Variants in GLS observed in about 807,000 individuals in gnomAD.
The protein encoded by GLS is glutaminase kidney isoform, mitochondrial.
In GLS, 36 loss-of-function variants were observed where a neutral mutation model predicts 86.7. The observed-to-expected ratio is 0.42, with a 90% CI of 0.32 to 0.55. The LOEUF (loss-of-function observed/expected upper bound fraction) is 0.55, where lower values mean the gene tolerates loss of function less well. Among genes scored for constraint, GLS ranks in the 20% least tolerant of loss-of-function variants. The pLI is 0.17. For synonymous variants in GLS, 317 were observed against 305.9 expected (o/e 1.04, Z -0.38); for missense variants, 528 against 833.4 (o/e 0.63, Z 4.51).
rs1323754188 is a variant in GLS at position 190,963,771 on chromosome 2, C to T, written c.*785C>T. ...TTTTCCATAGTAAGTCAGAAAATGC[C>T]TCCTATTTCTGGCATCAGAACTTTG... On this transcript the variant is annotated 3_prime_UTR_variant, in exon 18 of 18. Coordinates refer to ENST00000320717, the MANE Select transcript of GLS (RefSeq NM_014905.5). The T allele has an allele frequency of 6.6e-6, 1 of 152,400 alleles. No homozygotes were observed. The highest frequency in any genetic ancestry group is 2.4e-5 in the African/African-American group (1 of 41,404). The allele number at this position is 152,400 out of a possible 1,614,324, so 9.4% of individuals were successfully genotyped here. A position where few individuals can be genotyped will look rare whatever the true frequency, so the allele number is the denominator to read the frequency against.
In GLS at chr2:190,930,252, C is replaced by T. The variant is rs72907256; in HGVS notation, c.1426-185C>T. Among the ~76,000 whole-genome samples, 2,090 of 152,000 alleles carry T rather than the reference C, an allele frequency of 0.014. 30 individuals carry two copies. The highest frequency in any genetic ancestry group is 0.029 in the Admixed American group (442 of 15,254). On this transcript the variant is annotated intron_variant, in intron 12 of 17. Coordinates refer to ENST00000320717, the MANE Select transcript of GLS (RefSeq NM_014905.5). The surrounding 1 kb of genome is among the most constrained non-coding windows in gnomAD (Gnocchi z 5.0). Reference sequence around the variant, plus strand: ...TCACTGTTTTTTGTAGAGACGAGATCTCCCTGTGTTACCCAGCCTAGCCTC... The same window carrying T: ...TCACTGTTTTTTGTAGAGACGAGATTTCCCTGTGTTACCCAGCCTAGCCTC...
chr2:190,924,466 G>C lies in GLS; in HGVS notation c.1198-77G>C. On this transcript the variant is annotated intron_variant, in intron 10 of 17. Transcript: ENST00000320717. The surrounding 1 kb of genome is among the most constrained non-coding windows in gnomAD (Gnocchi z 5.2). ...TAAAATGAAACACTTGTGTACATTT[G>C]AAATTTTTCATATATTTCTCTACTT... 2.6e-6 allele frequency: 2 copies of C among 779,730 alleles called. No individual in the cohort carries two copies. The highest frequency in any genetic ancestry group is 4.6e-6 in the Non-Finnish European group (2 of 432,254). The allele number at this position is 779,730 out of a possible 1,614,324, so 48.3% of individuals were successfully genotyped here. A position where few individuals can be genotyped will look rare whatever the true frequency, so the allele number is the denominator to read the frequency against.
rs1160452521 is a variant in GLS at position 190,951,481 on chromosome 2, T to G, written c.1651-2084T>G. On this transcript the variant is annotated intron_variant, in intron 14 of 17. Coordinates refer to ENST00000320717, the MANE Select transcript of GLS (RefSeq NM_014905.5). This position sits in a 1 kb window ranked among gnomAD's most constrained non-coding sequence, Gnocchi z 4.2. ...ATGAAAGAGGAAAAGTTAAAGATGC[T>G]AGAAACAAAGGGGATCAGTGAGGGA... Among the ~76,000 whole-genome samples, 1 of 152,056 alleles carries G rather than the reference T, an allele frequency of 6.6e-6. No individual in the cohort carries two copies. The highest frequency in any genetic ancestry group is 1.9e-4 in the East Asian group (1 of 5,188).
Position 190,938,056 on chromosome 2 carries a change from AT to A in GLS, c.1650+6426del, listed in dbSNP as rs561616281. Reference sequence around the variant, plus strand: ...CTAAATCTCATTTACTAATTATGGAATTTTTTTAAAGAAAAATTATATACCA... The same window carrying A: ...CTAAATCTCATTTACTAATTATGGAATTTTTTAAAGAAAAATTATATACCA... On this transcript the variant is annotated intron_variant, in intron 14 of 17. Coordinates refer to ENST00000320717, the MANE Select transcript of GLS (RefSeq NM_014905.5). This position sits in a 1 kb window ranked among gnomAD's most constrained non-coding sequence, Gnocchi z 4.1. Among the ~76,000 whole-genome samples, 1 of 151,254 alleles carries A rather than the reference AT, an allele frequency of 6.6e-6. No homozygotes were observed. Among genetic ancestry groups the A allele is most frequent in the Admixed American group, 6.6e-5 (1 of 15,180 alleles).
chr2:190,929,843 T>C (rs1405281360), intron 12 of GLS, among the ~76,000 whole-genome samples: 2 of 151,348 alleles, frequency 1.3e-5, no homozygotes, highest in Non-Finnish European at 2.9e-5. Context: ...CTATGGTATG[T>C]ATATATATAT....
rs1690241320 is a variant in GLS at position 190,935,321 on chromosome 2, GT to G, written c.1650+3689del. On this transcript the variant is annotated intron_variant, in intron 14 of 17. Transcript: ENST00000320717. This position sits in a 1 kb window ranked among gnomAD's most constrained non-coding sequence, Gnocchi z 4.2. ...TGTTTTTTTTGTTTTGTTTTGTTTT[GT>G]TTTTATAAAAGCAACTTCAACATTT... 2.7e-6 allele frequency: 1 copy of G among 374,656 alleles called. No homozygotes were observed. The highest frequency in any genetic ancestry group is 3.7e-6 in the Non-Finnish European group (1 of 273,098). The allele number at this position is 374,656 out of a possible 1,614,324, so 23.2% of individuals were successfully genotyped here.
Position 190,901,408 on chromosome 2 carries a change from G to C in GLS, c.736-539G>C, listed in dbSNP as rs1037455216. Among the ~76,000 whole-genome samples, 4 of 152,082 alleles carry C rather than the reference G, an allele frequency of 2.6e-5. No homozygotes were observed. The East Asian group carries it at 5.8e-4, about 22-fold the overall frequency. On this transcript the variant is annotated intron_variant, in intron 4 of 17. Transcript: ENST00000320717. ...TTCATTGTCATCATCTTCATGTTTA[G>C]ACTGAAGAAGAAGAGGAGGGATTGG...
In GLS at chr2:190,897,545, G is replaced by A. The variant is rs1326846120; in HGVS notation, c.605+1820G>A. Among the ~76,000 whole-genome samples, 1 of 152,170 alleles carries A rather than the reference G, an allele frequency of 6.6e-6. No individual in the cohort carries two copies. Among genetic ancestry groups the A allele is most frequent in the Admixed American group, 6.5e-5 (1 of 15,272 alleles). The stretch of plus-strand genomic sequence containing the variant: ...GTCTATATGAGCAACCAGTAGAAAA[G>A]TACAAGTCTCTAGGGCATAATTATT... On this transcript the variant is annotated intron_variant, in intron 3 of 17. Coordinates refer to ENST00000320717, the MANE Select transcript of GLS (RefSeq NM_014905.5). This position sits in a 1 kb window ranked among gnomAD's most constrained non-coding sequence, Gnocchi z 4.3.
rs763382849 is a variant in GLS at position 190,921,266 on chromosome 2, C to T, written c.1130+63C>T. 4.7e-6 allele frequency: 5 copies of T among 1,053,846 alleles called. No homozygotes were observed. The highest frequency in any genetic ancestry group is 7.4e-6 in the Non-Finnish European group (5 of 674,124). 65.3% of individuals were successfully genotyped at this position (1,053,846 alleles called of 1,614,324 possible). On this transcript the variant is annotated intron_variant, in intron 9 of 17. Transcript: ENST00000320717. This position sits in a 1 kb window ranked among gnomAD's most constrained non-coding sequence, Gnocchi z 4.2. ...CACAACTGTATTTAGAATTGATCCA[C>T]TCTCTTTTCATTGGAGGGAAATGAA...
In GLS at chr2:190,913,194, A is replaced by G. The variant is rs1363574167; in HGVS notation, c.1038+2873A>G. On this transcript the variant is annotated intron_variant, in intron 7 of 17. Transcript: ENST00000320717. The surrounding 1 kb of genome is among the most constrained non-coding windows in gnomAD (Gnocchi z 6.1). ...AGTATTGATATTTTTTCCTTGTAGG[A>G]TTGGTGGTGATCCTCAGGAAATGGG... 1 of 1,296,252 alleles carries G rather than the reference A, an allele frequency of 7.7e-7. No homozygotes were observed. Among genetic ancestry groups the G allele is most frequent in the South Asian group, 1.2e-5 (1 of 80,876 alleles). 80.3% of individuals were successfully genotyped at this position (1,296,252 alleles called of 1,614,324 possible). A position where few individuals can be genotyped will look rare whatever the true frequency, so the allele number is the denominator to read the frequency against.
Position 190,962,815 on chromosome 2 carries a change from G to C in GLS, c.1854-15G>C, listed in dbSNP as rs377523883. The C allele has an allele frequency of 6.7e-7, 1 of 1,486,322 alleles. No homozygotes were observed. Among genetic ancestry groups the C allele is most frequent in the South Asian group, 1.4e-5 (1 of 69,156 alleles). The allele number at this position is 1,486,322 out of a possible 1,614,324, so 92.1% of individuals were successfully genotyped here. ...ATTACCTAATGACCCTGTCCATGCT[G>C]TGCTACGTGTTTAGGTGGAATAACA... On this transcript the variant is annotated splice_polypyrimidine_tract_variant and intron_variant, in intron 17 of 17. Coordinates refer to ENST00000320717, the MANE Select transcript of GLS (RefSeq NM_014905.5). This position sits in a 1 kb window ranked among gnomAD's most constrained non-coding sequence, Gnocchi z 4.2.
intron 4 of GLS, 133 bp downstream of exon 4, chr2:190,900,826 G>A (rs2124840035): frequency 1.9e-6 from 1 of 538,920 alleles, no homozygotes; most frequent in East Asian, 3.2e-5. Context: ...AGAAATTTAA[G>A]TGAAGCCACT....
chr2:190,926,188 A>G (rs572316572), intron 11 of GLS, among the ~76,000 whole-genome samples: 64 of 152,334 alleles, frequency 4.2e-4, no homozygotes, highest in African/African-American at 1.4e-3. Context: ...CTGCCTTATG[A>G]CAAACAAAAT....
intron 14 of GLS, chr2:190,932,576 T>C: frequency 1.9e-6 from 1 of 515,476 alleles, no homozygotes; most frequent in Non-Finnish European, 3.1e-6. Context: ...TCGACCTGAG[T>C]AACATGAAGC....
Position 190,921,013 on chromosome 2 carries a change from T to C in GLS, c.1039-11T>C, listed in dbSNP as rs373660417. 63 of 1,470,678 alleles carry C rather than the reference T, an allele frequency of 4.3e-5. No homozygotes were observed. The African/African-American group carries it at 7.7e-4, about 18-fold the overall frequency. The allele number at this position is 1,470,678 out of a possible 1,614,324, so 91.1% of individuals were successfully genotyped here. ...TATATTAACGTATTTATGTCTCTTA[T>C]TTTTTTGCAGCAAGGAGTAAATAAT... is the stretch of plus-strand genomic sequence containing the variant. On this transcript the variant is annotated splice_polypyrimidine_tract_variant and intron_variant, in intron 7 of 17. Coordinates refer to ENST00000320717, the MANE Select transcript of GLS (RefSeq NM_014905.5). The surrounding 1 kb of genome is among the most constrained non-coding windows in gnomAD (Gnocchi z 4.2).
At chr2:190,928,038 C>T (rs1320162192) in intron 12 of GLS, among the ~76,000 whole-genome samples, 2 of 149,952 alleles carry the variant, frequency 1.3e-5, no homozygotes, top group Non-Finnish European at 3.0e-5. Context: ...ACATGTAAAA[C>T]GAGAGAGAGA....
At chr2:190,919,690 T>C in intron 7 of GLS, 1 of 821,730 alleles carries the variant, frequency 1.2e-6, no homozygotes, top group Non-Finnish European at 1.5e-6. Flanking sequence ...AATTTCTTCT[T>C]TTAATTATTT....
intron 7 of GLS, among the ~76,000 whole-genome samples, chr2:190,910,933 G>GTT (rs772090775): frequency 7.7e-6 from 1 of 129,964 alleles, no homozygotes; most frequent in Admixed American, 8.0e-5. Context: ...CATTGTAAGG[G>GTT]TTTTTTTTTT....
chr2:190,915,737 A>T (rs191064100), intron 7 of GLS, among the ~76,000 whole-genome samples: 29 of 152,330 alleles, frequency 1.9e-4, no homozygotes, highest in African/African-American at 6.7e-4. Flanking sequence ...ACTGCTTCAC[A>T]TTGTAAAAAC....
Sources: allele counts gnomAD v4.1 joint callset (sites outside exome capture counted in the v4.1 genomes callset), GRCh38; gene constraint gnomAD v4.1.1; non-coding constraint Gnocchi (gnomAD v3.1); transcripts MANE v1.5; gene names NCBI Gene and HGNC (gene_info 2026-07-23, HGNC 2026-07-21).